RFX7: variants seen among roughly 807,000 people sequenced by gnomAD.
RFX7 encodes the protein DNA-binding protein RFX7.
RFX7 carries 26 observed loss-of-function variants against 111.8 expected under a neutral mutation model. The ratio of observed to expected loss-of-function variants is 0.23; its 90% confidence interval spans 0.17 to 0.32. The LOEUF (loss-of-function observed/expected upper bound fraction) is 0.32. RFX7 is among the 10% of genes least tolerant of loss of function. The probability of loss-of-function intolerance (pLI) is 1.00; values close to 1 mark genes in which losing one functional copy is unlikely to be tolerated. For synonymous variants in RFX7, 624 were observed against 624.4 expected (o/e 1.00, Z 0.01); for missense variants, 1,573 against 1,772.9 (o/e 0.89, Z 2.02).
chr15:56,198,847 C>A (rs191403935), intron 2 of RFX7, among the ~76,000 whole-genome samples: 1 of 151,908 alleles, frequency 6.6e-6, no homozygotes, highest in African/African-American at 2.4e-5. Context: ...TGTATACATT[C>A]GAAATTTTTT....
chr15:56,238,793 C>A (rs751230087), intron 2 of RFX7, among the ~76,000 whole-genome samples: 1 of 152,060 alleles, frequency 6.6e-6, no homozygotes, highest in East Asian at 1.9e-4. Flanking sequence ...ATCTGAAATG[C>A]GTGGGATCAT....
chr15:56,162,827 A>C (rs2042738409), intron 3 of RFX7, among the ~76,000 whole-genome samples: 1 of 152,106 alleles, frequency 6.6e-6, no homozygotes, highest in South Asian at 2.1e-4. Flanking sequence ...ATCTGGCCCC[A>C]CTGCCAAGTT....
At chr15:56,114,411 C>CAAAA (rs55731452) in intron 5 of RFX7, among the ~76,000 whole-genome samples, 1 of 76,776 alleles carries the variant, frequency 1.3e-5, no homozygotes, top group East Asian at 3.0e-4. Context: ...ATTCTGTCTC[C>CAAAA]AAAAAAAAAA....
At chr15:56,136,024 T>C (rs1263204436) in intron 5 of RFX7, among the ~76,000 whole-genome samples, 1 of 152,022 alleles carries the variant, frequency 6.6e-6, no homozygotes, top group Non-Finnish European at 1.5e-5. Flanking sequence ...TGTAGCCTTG[T>C]AGTATAGTTT....
chr15:56,156,058 C>G (rs2042648685), intron 3 of RFX7, among the ~76,000 whole-genome samples: 1 of 152,076 alleles, frequency 6.6e-6, no homozygotes, highest in South Asian at 2.1e-4. Flanking sequence ...ATATGCCAAT[C>G]TGTTCCTCTA....
intron 8 of RFX7, among the ~76,000 whole-genome samples, chr15:56,100,254 A>C (rs1567006881): frequency 6.6e-6 from 1 of 152,326 alleles, no homozygotes; most frequent in East Asian, 1.9e-4. Flanking sequence ...AAATGAGGTA[A>C]CATAAGTGAG....
intron 3 of RFX7, among the ~76,000 whole-genome samples, chr15:56,146,337 C>A (rs1366450305): frequency 6.6e-6 from 1 of 152,052 alleles, no homozygotes; most frequent in Admixed American, 6.5e-5. Context: ...CCTGCCTGGC[C>A]TCAAGTGATC....
intron 3 of RFX7, among the ~76,000 whole-genome samples, chr15:56,169,160 A>G (rs2042815115): frequency 6.6e-6 from 1 of 152,200 alleles, no homozygotes; most frequent in African/African-American, 2.4e-5. Context: ...TGGTAAAGTG[A>G]ATAGCACCTA....
At chr15:56,192,165 T>A (rs10518839) in intron 2 of RFX7, among the ~76,000 whole-genome samples, 19,645 of 152,104 alleles carry the variant, frequency 0.13, 1,651 homozygotes, top group East Asian at 0.44. Flanking sequence ...TTCTTAATGG[T>A]GGAATCTGTT....
At chr15:56,144,219 G>C (rs1423104151) in intron 4 of RFX7, among the ~76,000 whole-genome samples, 182 bp downstream of exon 4, 2 of 152,070 alleles carry the variant, frequency 1.3e-5, no homozygotes, top group East Asian at 3.8e-4. Context: ...AACAAAAACT[G>C]CAAGTAAATA....
intron 3 of RFX7, among the ~76,000 whole-genome samples, chr15:56,152,214 C>G (rs1259695634): frequency 1.3e-5 from 2 of 152,186 alleles, no homozygotes; most frequent in Non-Finnish European, 2.9e-5. Flanking sequence ...TAATAGACAT[C>G]TACAGAACTC....
At chr15:56,224,471 G>GTGTGTA in intron 2 of RFX7, among the ~76,000 whole-genome samples, 1 of 151,116 alleles carries the variant, frequency 6.6e-6, no homozygotes, top group African/African-American at 2.4e-5. Context: ...AGGATTTTGT[G>GTGTGTA]TGTGTGTGTG....
intron 5 of RFX7, among the ~76,000 whole-genome samples, chr15:56,120,203 T>C (rs1213032602): frequency 6.6e-6 from 1 of 152,228 alleles, no homozygotes; most frequent in Admixed American, 6.5e-5. Context: ...GTTTTCACTG[T>C]AGACATCTTT....
chr15:56,149,327 C>T (rs1221629142), intron 3 of RFX7, among the ~76,000 whole-genome samples: 3 of 152,126 alleles, frequency 2.0e-5, no homozygotes, highest in Admixed American at 2.0e-4. Flanking sequence ...TAGATTAGCC[C>T]ATCCTGATTA....
intron 5 of RFX7, among the ~76,000 whole-genome samples, chr15:56,140,207 C>G (rs531027650): frequency 6.6e-6 from 1 of 152,190 alleles, no homozygotes; most frequent in East Asian, 1.9e-4. Context: ...GGGCGCCCCT[C>G]CCCCAGCCTC....
At chr15:56,231,845 A>C (rs11631902) in intron 2 of RFX7, among the ~76,000 whole-genome samples, 19,767 of 152,122 alleles carry the variant, frequency 0.13, 1,669 homozygotes, top group East Asian at 0.44. Context: ...GATAAATACT[A>C]CCATTCCAAA....
At chr15:56,113,161 C>G (rs1203192960) in intron 5 of RFX7, among the ~76,000 whole-genome samples, 6 of 152,020 alleles carry the variant, frequency 3.9e-5, no homozygotes, top group African/African-American at 1.4e-4. Flanking sequence ...GGTATATACC[C>G]AAAGGAATAT....
At chr15:56,165,186 C>T (rs1321034084) in intron 3 of RFX7, among the ~76,000 whole-genome samples, 1 of 152,194 alleles carries the variant, frequency 6.6e-6, no homozygotes, top group Non-Finnish European at 1.5e-5. Context: ...AATGCTTGCT[C>T]GCCTGCTGCT....
intron 2 of RFX7, among the ~76,000 whole-genome samples, chr15:56,181,048 A>C (rs2042965775): frequency 6.6e-6 from 1 of 152,218 alleles, no homozygotes; most frequent in Non-Finnish European, 1.5e-5. Context: ...CTCCCAACAA[A>C]GTGGCCAGAG....
Sources: gnomAD v4.1 joint callset for allele counts (sites outside exome capture counted in the v4.1 genomes callset) on GRCh38, gnomAD v4.1.1 for gene constraint, MANE v1.5 for transcripts, NCBI Gene and HGNC (gene_info 2026-07-23, HGNC 2026-07-21) for gene names.